NECTIN3: variants seen among roughly 807,000 people sequenced by gnomAD.
The protein encoded by NECTIN3 is nectin-3.
A neutral mutation model predicts 49.4 loss-of-function variants in NECTIN3; 8 were observed. The ratio of observed to expected loss-of-function variants is 0.16; its 90% CI spans 0.10 to 0.29. The LOEUF is 0.29. Among genes scored for constraint, NECTIN3 ranks in the 10% least tolerant of loss-of-function variants. NECTIN3 has a pLI of 1.00. For missense variants in NECTIN3, 581 were observed against 654.6 expected (o/e 0.89, Z 1.23); for synonymous variants, 277 against 241.1 (o/e 1.15, Z -1.38).
In NECTIN3 at chr3:111,072,062, C is replaced by A. The variant is rs1178614252; in HGVS notation, c.45C>A (p.Gly15=). 6.5e-7 allele frequency: 1 copy of A among 1,548,222 alleles called. No homozygotes were observed. The highest frequency in any genetic ancestry group is 8.7e-7 in the Non-Finnish European group (1 of 1,145,754). ...CGTCCCCGCTGTGTCCTGGAGGCGG[C>A]AAAGCACAACTTTCCTCCGCTTCTC... ...LRPSPLCPGG[G]KAQLSSASLL... is the part of the protein sequence containing the mutation. Residue 15 remains glycine (G), a synonymous_variant, in exon 1 of 6, where the codon GGC becomes GGA. Coordinates refer to ENST00000485303, the MANE Select transcript of NECTIN3 (RefSeq NM_015480.3).
At chr3:111,165,198 C>G (rs1418859998) in intron 7 of NECTIN3, among the ~76,000 whole-genome samples, 6 of 152,190 alleles carry the variant, frequency 3.9e-5, no homozygotes, top group Non-Finnish European at 7.4e-5. Context: ...TGCCCGCCAC[C>G]ATGCCCAGCT....
Position 111,133,873 on chromosome 3 carries a change from A to T in NECTIN3, c.1308A>T (p.Gly436=). ...ATAGGAGAAGACGGACGTTTCGTGGAGACTACTTTGCCAAGAACTACATTC... is the reference window on the plus strand; with the variant it reads ...ATAGGAGAAGACGGACGTTTCGTGGTGACTACTTTGCCAAGAACTACATTC... ...FCYRRRRTFR[G]DYFAKNYIPP... The change falls in exon 6 of 6, where the codon GGA becomes GGT. Residue 436 remains glycine (G), a synonymous_variant. Coordinates refer to ENST00000485303, the MANE Select transcript of NECTIN3 (RefSeq NM_015480.3). 1 of 1,614,030 alleles carries T rather than the reference A, an allele frequency of 6.2e-7. No individual in the cohort carries two copies. Among genetic ancestry groups the T allele is most frequent in the South Asian group, 1.1e-5 (1 of 91,084 alleles).
At chr3:111,132,751 G>T (rs142799595) in intron 5 of NECTIN3, among the ~76,000 whole-genome samples, 363 of 151,936 alleles carry the variant, frequency 2.4e-3, no homozygotes, top group African/African-American at 8.3e-3. Context: ...AATATTAGCT[G>T]TTCTTTTTGA....
chr3:111,110,179 C>T (rs115505370), intron 1 of NECTIN3, among the ~76,000 whole-genome samples: 1,568 of 151,772 alleles, frequency 0.01, 32 homozygotes, highest in African/African-American at 0.034. Context: ...TAATATTTAT[C>T]CTTTCCTTTT....
intron 7 of NECTIN3, among the ~76,000 whole-genome samples, chr3:111,185,866 C>T (rs72937977): frequency 0.027 from 4,163 of 152,124 alleles, 205 homozygotes; most frequent in African/African-American, 0.095. Flanking sequence ...GGGAGAATAG[C>T]AGAAGCACAA....
chr3:111,187,919 C>G (rs2035750604), upstream of NECTIN3, among the ~76,000 whole-genome samples: 1 of 152,082 alleles, frequency 6.6e-6, no homozygotes, highest in Non-Finnish European at 1.5e-5. Flanking sequence ...AGAGTGAACT[C>G]TAATGTAAAC....
At chr3:111,169,112 C>T (rs1177313136) in intron 7 of NECTIN3, among the ~76,000 whole-genome samples, 10 of 92,214 alleles carry the variant, frequency 1.1e-4, no homozygotes, top group East Asian at 3.6e-4. Context: ...TTTTTTGAGA[C>T]GGAGTCTCGC....
At chr3:111,105,623 C>T (rs1376852345) in intron 1 of NECTIN3, among the ~76,000 whole-genome samples, 5 of 152,150 alleles carry the variant, frequency 3.3e-5, no homozygotes, top group Non-Finnish European at 7.4e-5. Context: ...TCTCTAAAGA[C>T]AATTGTGTTT....
chr3:111,100,547 A>C (rs1432848834), intron 1 of NECTIN3, among the ~76,000 whole-genome samples: 3 of 152,104 alleles, frequency 2.0e-5, no homozygotes, highest in Non-Finnish European at 4.4e-5. Context: ...AATATTTCAA[A>C]ATAAGAAAAA....
intron 1 of NECTIN3, among the ~76,000 whole-genome samples, chr3:111,076,538 CAT>C (rs1226395589): frequency 6.6e-6 from 1 of 152,008 alleles, no homozygotes; most frequent in Admixed American, 6.6e-5. Context: ...ATTAATCTGT[CAT>C]ATGTTTGATT....
chr3:111,159,150 A>T (rs191233290), intron 7 of NECTIN3, among the ~76,000 whole-genome samples: 364 of 152,276 alleles, frequency 2.4e-3, no homozygotes, highest in African/African-American at 8.3e-3. Flanking sequence ...CTTAGTTTAC[A>T]TAACAATTTA....
At chr3:111,103,426 A>G (rs1385061129) in intron 1 of NECTIN3, among the ~76,000 whole-genome samples, 3 of 149,954 alleles carry the variant, frequency 2.0e-5, no homozygotes, top group Non-Finnish European at 3.0e-5. Context: ...CCACTTGATC[A>G]TTACTGATAC....
intron 1 of NECTIN3, among the ~76,000 whole-genome samples, chr3:111,077,636 G>A (rs1398338198): frequency 6.6e-6 from 1 of 152,046 alleles, no homozygotes. Context: ...GAGTCCAAGG[G>A]TTGGGACATT....
Position 111,136,913 on chromosome 3 carries a change from T to A in NECTIN3, c.*2698T>A. 1.0e-6 allele frequency: 1 copy of A among 966,710 alleles called. No homozygotes were observed. The highest frequency in any genetic ancestry group is 1.2e-4 in the East Asian group (1 of 8,678). 59.9% of individuals were successfully genotyped at this position (966,710 alleles called of 1,614,324 possible). ...TTTAAAAGTGATATTTGAGAAGTGC[T>A]TTAGAGTTGAAAGATTTAGTATTTT... On this transcript the variant is annotated 3_prime_UTR_variant, in exon 6 of 6. Transcript: ENST00000485303.
At chr3:111,105,206 G>A (rs1313692407) in intron 1 of NECTIN3, among the ~76,000 whole-genome samples, 1 of 149,338 alleles carries the variant, frequency 6.7e-6, no homozygotes, top group Non-Finnish European at 1.5e-5. Flanking sequence ...GCAGTGGCAC[G>A]ATCTTGGCTC....
chr3:111,071,922 C>A lies in NECTIN3; in HGVS notation c.-96C>A. On this transcript the variant is annotated 5_prime_UTR_variant, in exon 1 of 6. Coordinates refer to ENST00000485303, the MANE Select transcript of NECTIN3 (RefSeq NM_015480.3). Reference sequence around the variant, plus strand: ...TAGAGCTGGGAGCTGGGGACGCGCGCGCCGGACCTTCCACAGCCTCCGCCC... The same window carrying A: ...TAGAGCTGGGAGCTGGGGACGCGCGAGCCGGACCTTCCACAGCCTCCGCCC... 1.2e-6 allele frequency: 1 copy of A among 831,330 alleles called. No individual in the cohort carries two copies. The highest frequency in any genetic ancestry group is 1.7e-6 in the Non-Finnish European group (1 of 605,380). The allele number at this position is 831,330 out of a possible 1,614,324, so 51.5% of individuals were successfully genotyped here. A position where few individuals can be genotyped will look rare whatever the true frequency, so the allele number is the denominator to read the frequency against.
chr3:111,192,321 C>G, upstream of NECTIN3: 7 of 1,520,944 alleles, frequency 4.6e-6, no homozygotes, highest in Non-Finnish European at 6.2e-6. Flanking sequence ...ATGTGTTTTA[C>G]AGTGCACATC....
At position 111,154,045 on chromosome 3, in the gene NECTIN3, A is replaced by G. The variant is rs573078116; in HGVS notation, c.1221+6561A>G. 1.1e-4 allele frequency among the ~76,000 whole-genome samples: 17 copies of G among 152,298 alleles called. No individual in the cohort carries two copies. The South Asian group carries it at 3.5e-3, about 32-fold the overall frequency. On this transcript the variant is annotated intron_variant, in intron 7 of 8. Coordinates refer to the NECTIN3 transcript ENST00000493615. The stretch of plus-strand genomic sequence containing the variant: ...CACATATTAAGAATGTAAATTTGAT[A>G]TGTTTTACATGTACTGCGCACACAC...
Position 111,136,395 on chromosome 3 carries a change from A to T in NECTIN3, c.*2180A>T. ...TGTGTTTGTTTGGCGGGAGAGGGTG[A>T]CCTGGAAAGCCACAAGTGAGTATTT... is the stretch of plus-strand genomic sequence containing the variant. On this transcript the variant is annotated 3_prime_UTR_variant, in exon 6 of 6. Coordinates refer to ENST00000485303, the MANE Select transcript of NECTIN3 (RefSeq NM_015480.3). 1 of 984,578 alleles carries T rather than the reference A, an allele frequency of 1.0e-6. No homozygotes were observed. The highest frequency in any genetic ancestry group is 6.2e-5 in the Admixed American group (1 of 16,162). 61.0% of individuals were successfully genotyped at this position (984,578 alleles called of 1,614,324 possible).
Sources: allele counts gnomAD v4.1 joint callset (sites outside exome capture counted in the v4.1 genomes callset), GRCh38; gene constraint gnomAD v4.1.1; transcripts MANE v1.5; gene names NCBI Gene and HGNC (gene_info 2026-07-23, HGNC 2026-07-21).